Variants in TRIM24 observed in about 807,000 individuals in gnomAD.
TRIM24 encodes the protein transcription intermediary factor 1-alpha.
Under a neutral mutation model 123.9 loss-of-function variants are expected in TRIM24, and 29 were observed. The observed-to-expected ratio is 0.23, with a 90% CI of 0.17 to 0.32. The LOEUF (loss-of-function observed/expected upper bound fraction) is 0.32, where lower values mean the gene tolerates loss of function less well. Ranked by LOEUF, TRIM24 falls within the 10% of genes least tolerant of loss-of-function variation. The probability of loss-of-function intolerance (pLI) is 1.00; values close to 1 mark genes in which losing one functional copy is unlikely to be tolerated. For synonymous variants in TRIM24, 456 were observed against 461.1 expected, an observed-to-expected ratio of 0.99 and a Z score of 0.14; for missense variants, 932 against 1,295.3, an observed-to-expected ratio of 0.72 and a Z score of 4.31.
intron 1 of TRIM24, among the ~76,000 whole-genome samples, chr7:138,492,443 G>C (rs537119763): frequency 6.6e-6 from 1 of 151,986 alleles, no homozygotes; most frequent in East Asian, 1.9e-4. Context: ...CTTTTTTACC[G>C]TCTTGATAAT....
chr7:138,489,595 C>T (rs1166537742), intron 1 of TRIM24, among the ~76,000 whole-genome samples: 2 of 152,158 alleles, frequency 1.3e-5, no homozygotes, highest in Non-Finnish European at 2.9e-5. Flanking sequence ...TTTTATTTCT[C>T]CTTCACTTAT....
In TRIM24 at chr7:138,460,898, C is replaced by T. The variant is rs759580428; in HGVS notation, c.350C>T (p.Pro117Leu). Residue 117 changes from proline to leucine, a missense_variant, in exon 1 of 19, where the codon CCG (proline) becomes CTG (leucine). Physicochemically the swap from Pro to Leu is moderately conservative, Grantham distance 98. This residue lies in a region of TRIM24 where 164 missense variants were observed against 181.9 expected (regional missense o/e 0.90). Transcript: ENST00000343526. ...APGSPVSGSS[P>L]FATQVGVIRC... ...GGCTCGCCGGTCAGCGGCTCGTCGC[C>T]GTTCGCCACCCAAGGTGAGAACCGG... 13 of 1,507,292 alleles carry T rather than the reference C, an allele frequency of 8.6e-6. No homozygotes were observed. The highest frequency in any genetic ancestry group is 7.2e-5 in the African/African-American group (5 of 69,744). The allele number at this position is 1,507,292 out of a possible 1,614,324, so 93.4% of individuals were successfully genotyped here.
chr7:138,531,585 T>C (rs1028675239), intron 6 of TRIM24, among the ~76,000 whole-genome samples: 1 of 152,212 alleles, frequency 6.6e-6, no homozygotes, highest in Non-Finnish European at 1.5e-5. Context: ...CCATGGTGTA[T>C]ATGTGCCACA....
intron 4 of TRIM24, among the ~76,000 whole-genome samples, chr7:138,524,769 T>A (rs934434702): frequency 6.6e-6 from 1 of 152,146 alleles, no homozygotes; most frequent in African/African-American, 2.4e-5. Context: ...AAAGTTTTAT[T>A]ACAAGGCATA....
At chr7:138,536,248 G>A (rs1009816934) in intron 6 of TRIM24, among the ~76,000 whole-genome samples, 29 of 152,278 alleles carry the variant, frequency 1.9e-4, no homozygotes, top group African/African-American at 2.6e-4. Context: ...GCTTTGTTCC[G>A]TTGCTGTCTA....
At chr7:138,573,255 C>T (rs1002867259) in intron 11 of TRIM24, among the ~76,000 whole-genome samples, 2 of 152,150 alleles carry the variant, frequency 1.3e-5, no homozygotes, top group Admixed American at 6.5e-5. Flanking sequence ...GTGTGAATGA[C>T]ATGATATTCC....
intron 1 of TRIM24, among the ~76,000 whole-genome samples, chr7:138,462,592 G>A (rs1326367862): frequency 6.6e-6 from 1 of 151,756 alleles, no homozygotes; most frequent in Non-Finnish European, 1.5e-5. Flanking sequence ...CGCCCGCCTC[G>A]GCCTCCCAAA....
rs751394024 is a variant in TRIM24 at position 138,460,797 on chromosome 7, C to T, written c.249C>T (p.Pro83=). ...CLHSFCQRCL[P]APQRYLMLPA... is the part of the protein sequence containing the mutation. The stretch of plus-strand genomic sequence containing the variant: ...ACTCTTTCTGCCAGCGCTGCCTGCC[C>T]GCGCCCCAGCGCTACCTCATGCTGC... The change falls in exon 1 of 19, where the codon CCC becomes CCT. Residue 83 remains proline, a synonymous_variant. Coordinates refer to ENST00000343526, the MANE Select transcript of TRIM24 (RefSeq NM_015905.3). 6 of 1,582,056 alleles carry T rather than the reference C, an allele frequency of 3.8e-6. No homozygotes were observed. The highest frequency in any genetic ancestry group is 1.8e-5 in the Admixed American group (1 of 56,846).
At chr7:138,534,065 C>T (rs1218200598) in intron 6 of TRIM24, among the ~76,000 whole-genome samples, 1 of 151,930 alleles carries the variant, frequency 6.6e-6, no homozygotes, top group African/African-American at 2.4e-5. Context: ...GGTGATATCC[C>T]CTTTAACATT....
intron 1 of TRIM24, among the ~76,000 whole-genome samples, chr7:138,475,840 T>C (rs1291795551): frequency 2.0e-5 from 3 of 152,162 alleles, no homozygotes; most frequent in Non-Finnish European, 4.4e-5. Context: ...AAGATACATC[T>C]GCAAAATCGA....
chr7:138,513,470 A>G (rs1232529269), intron 2 of TRIM24, among the ~76,000 whole-genome samples: 7 of 152,212 alleles, frequency 4.6e-5, no homozygotes, highest in Admixed American at 3.9e-4. Flanking sequence ...CAGGCTGTAC[A>G]GGAAGCATGA....
At chr7:138,548,252 C>T (rs771159292) in intron 7 of TRIM24, among the ~76,000 whole-genome samples, 2 of 152,062 alleles carry the variant, frequency 1.3e-5, no homozygotes, top group Admixed American at 1.3e-4. Flanking sequence ...GTACTGAATA[C>T]TGTAGGCAGT....
chr7:138,482,421 T>G (rs1461379724), intron 1 of TRIM24, among the ~76,000 whole-genome samples: 1 of 152,148 alleles, frequency 6.6e-6, no homozygotes, highest in Non-Finnish European at 1.5e-5. Context: ...TTATGAGAAA[T>G]TGATAAAAAA....
intron 9 of TRIM24, among the ~76,000 whole-genome samples, chr7:138,566,356 A>G (rs1377601158): frequency 6.6e-6 from 1 of 152,186 alleles, no homozygotes; most frequent in Non-Finnish European, 1.5e-5. Context: ...TCTCTACTAA[A>G]AATACAAAAA....
At chr7:138,461,166 C>A in intron 1 of TRIM24, 1 of 706,940 alleles carries the variant, frequency 1.4e-6, no homozygotes, top group South Asian at 1.4e-5. Flanking sequence ...TCCGCATTCT[C>A]AACAGCCGGG....
At chr7:138,499,063 A>C (rs1298007362) in intron 1 of TRIM24, among the ~76,000 whole-genome samples, 1 of 152,076 alleles carries the variant, frequency 6.6e-6, no homozygotes, top group African/African-American at 2.4e-5. Flanking sequence ...AAATCAACAA[A>C]TGTAATGTGG....
chr7:138,581,646 A>G (rs1797897588), intron 16 of TRIM24, 51 bp from the exon 17 acceptor site: 1 of 1,454,014 alleles, frequency 6.9e-7, no homozygotes, highest in Middle Eastern at 1.8e-4. Context: ...ATAAGCTGTG[A>G]ATTCATTGTT....
rs775458409 is a variant in TRIM24, at chr7:138,589,896, T to C, written c.*4945T>C. ...TCTTTCATGGGGCCAACCTATTTGCTTCCTTAATTTTCAAATTAAGTCCTA... is the reference window on the plus strand; with the variant it reads ...TCTTTCATGGGGCCAACCTATTTGCCTCCTTAATTTTCAAATTAAGTCCTA... On this transcript the variant is annotated 3_prime_UTR_variant, in exon 19 of 19. Transcript: ENST00000343526. The C allele has an allele frequency of 2.6e-5, 4 of 152,236 alleles. No homozygotes were observed. Among genetic ancestry groups the C allele is most frequent in the Non-Finnish European group, 4.4e-5 (3 of 68,040 alleles). 9.4% of individuals were successfully genotyped at this position (152,236 alleles called of 1,614,324 possible).
chr7:138,519,116 A>G (rs899386026), intron 3 of TRIM24, 73 bp from the exon 4 acceptor site: 2 of 1,568,624 alleles, frequency 1.3e-6, no homozygotes, highest in African/African-American at 2.7e-5. Flanking sequence ...GTGAATTCAA[A>G]TGAGCAATCT....
Sources: allele counts gnomAD v4.1 joint callset (sites outside exome capture counted in the v4.1 genomes callset), GRCh38; gene constraint gnomAD v4.1.1; regional missense constraint gnomAD v4.1.1; transcripts MANE v1.5; gene names NCBI Gene and HGNC (gene_info 2026-07-23, HGNC 2026-07-21).